The following METTL15 variants were observed in gnomAD, a reference collection of about 807,000 sequenced individuals.
METTL15 encodes the protein 12S rRNA N(4)-cytidine methyltransferase METTL15.
In METTL15, 34 loss-of-function variants were observed where a neutral mutation model predicts 38.3. That is an observed-to-expected ratio of 0.89 (90% confidence interval 0.68 to 1.18). METTL15 has a LOEUF of 1.18. Ranked by LOEUF, METTL15 falls within the 50% of genes most tolerant of loss-of-function variation. METTL15 has a pLI of 0.00. For missense variants in METTL15, 438 were observed against 498.4 expected (o/e 0.88, Z 1.15); for synonymous variants, 162 against 170.9 (o/e 0.95, Z 0.41).
intron 4 of METTL15, among the ~76,000 whole-genome samples, chr11:28,212,358 ATCTG>A (rs1195284524): frequency 6.6e-6 from 1 of 152,166 alleles, no homozygotes; most frequent in East Asian, 1.9e-4. Context: ...TTTTAAATCT[ATCTG>A]TCTTCTGCAG....
intron 3 of METTL15, chr11:28,125,612 C>T (rs1317679511): frequency 6.6e-6 from 1 of 152,028 alleles, no homozygotes; most frequent in Non-Finnish European, 1.5e-5. Context: ...ACAGGTCTCT[C>T]ACACCTTTCA....
intron 5 of METTL15, among the ~76,000 whole-genome samples, chr11:28,412,685 AAG>A (rs907841170): frequency 3.8e-4 from 58 of 152,178 alleles, no homozygotes; most frequent in African/African-American, 1.3e-3. Flanking sequence ...ATATATTAAA[AAG>A]AGAGCTTAGA....
intron 4 of METTL15, among the ~76,000 whole-genome samples, chr11:28,278,173 G>A (rs529119156): frequency 7.9e-5 from 12 of 152,186 alleles, no homozygotes; most frequent in African/African-American, 2.9e-4. Context: ...CATTGTATAG[G>A]CCTTATATGA....
At chr11:28,359,296 A>T (rs1476913402) in intron 4 of METTL15, among the ~76,000 whole-genome samples, 2 of 152,118 alleles carry the variant, frequency 1.3e-5, no homozygotes, top group African/African-American at 4.8e-5. Flanking sequence ...GTATTTCATG[A>T]TGTGTATGTA....
intron 6 of METTL15, among the ~76,000 whole-genome samples, chr11:28,319,257 G>A (rs1261960949): frequency 6.6e-6 from 1 of 152,124 alleles, no homozygotes; most frequent in Admixed American, 6.6e-5. Context: ...CGTGGAATTA[G>A]AGCTTCTGGA....
Position 28,203,238 on chromosome 11 carries a change from A to G in METTL15, c.271-7824A>G, listed in dbSNP as rs191182120. On this transcript the variant is annotated intron_variant, in intron 3 of 6. Transcript: ENST00000407364. ...TTTTAAAAATCATTTTTAAATTTCAAAATCAAATTGGAATCTATAACCTGT... is the reference window on the plus strand; with the variant it reads ...TTTTAAAAATCATTTTTAAATTTCAGAATCAAATTGGAATCTATAACCTGT... 7.0e-4 allele frequency among the ~76,000 whole-genome samples: 107 copies of G among 152,230 alleles called. 1 individual carries two copies. Among genetic ancestry groups the G allele is most frequent in the Non-Finnish European group, 1.3e-3 (90 of 67,976 alleles).
chr11:28,171,817 G>T (rs1850869510), intron 3 of METTL15, among the ~76,000 whole-genome samples: 1 of 150,632 alleles, frequency 6.6e-6, no homozygotes, highest in Admixed American at 6.6e-5. Context: ...TTAGGGACAG[G>T]GTATTCCTCT....
chr11:28,528,000 A>G (rs1400022913), downstream of METTL15, among the ~76,000 whole-genome samples: 3 of 152,214 alleles, frequency 2.0e-5, no homozygotes, highest in African/African-American at 7.2e-5. Flanking sequence ...TGTGGCATGC[A>G]TGGGAAGAAT....
chr11:28,117,557 T>C (rs1852029889), intron 3 of METTL15, among the ~76,000 whole-genome samples: 1 of 152,164 alleles, frequency 6.6e-6, no homozygotes, highest in African/African-American at 2.4e-5. Flanking sequence ...CAACTTGACC[T>C]ACACTGCTGT....
At chr11:28,457,331 T>C (rs1199564428) in intron 6 of METTL15, among the ~76,000 whole-genome samples, 1 of 152,212 alleles carries the variant, frequency 6.6e-6, no homozygotes, top group East Asian at 1.9e-4. Flanking sequence ...CAGCATTATA[T>C]GTTGTTTTTG....
At chr11:28,371,477 T>C (rs1590348581) in intron 5 of METTL15, among the ~76,000 whole-genome samples, 1 of 152,226 alleles carries the variant, frequency 6.6e-6, no homozygotes, top group East Asian at 1.9e-4. Flanking sequence ...TCCAGCTTTG[T>C]TATTTTTGAT....
chr11:28,173,827 G>GTCTCAA (rs1850948002), intron 3 of METTL15, among the ~76,000 whole-genome samples: 1 of 152,128 alleles, frequency 6.6e-6, no homozygotes, highest in Non-Finnish European at 1.5e-5. Context: ...ATACAATCAG[G>GTCTCAA]TATTTTGTAG....
chr11:28,248,819 A>T (rs1854619875), intron 4 of METTL15, among the ~76,000 whole-genome samples: 1 of 152,028 alleles, frequency 6.6e-6, no homozygotes, highest in African/African-American at 2.4e-5. Context: ...TTATTAGAAA[A>T]AAAAAGCATC....
intron 4 of METTL15, among the ~76,000 whole-genome samples, chr11:28,234,169 G>A (rs1244642178): frequency 3.3e-5 from 5 of 152,140 alleles, no homozygotes; most frequent in African/African-American, 1.2e-4. Context: ...ATTCCATGGT[G>A]TATATGTGCC....
At chr11:28,483,029 G>C (rs1851409305) in intron 6 of METTL15, among the ~76,000 whole-genome samples, 1 of 150,172 alleles carries the variant, frequency 6.7e-6, no homozygotes, top group South Asian at 2.1e-4. Flanking sequence ...CCATACTTCA[G>C]TGAACATGAA....
At chr11:28,149,166 C>T (rs988278428) in intron 3 of METTL15, among the ~76,000 whole-genome samples, 1 of 150,460 alleles carries the variant, frequency 6.6e-6, no homozygotes, top group Non-Finnish European at 1.5e-5. Flanking sequence ...ATCACATCTT[C>T]TGGACTTCAA....
chr11:28,194,907 A>G (rs966005122), intron 3 of METTL15, among the ~76,000 whole-genome samples: 30 of 151,560 alleles, frequency 2.0e-4, no homozygotes, highest in Admixed American at 6.6e-5. Flanking sequence ...GTCTGCCTTT[A>G]TGCACCCATA....
At chr11:28,148,180 T>G (rs1849954780) in intron 3 of METTL15, among the ~76,000 whole-genome samples, 1 of 151,956 alleles carries the variant, frequency 6.6e-6, no homozygotes, top group Non-Finnish European at 1.5e-5. Flanking sequence ...TATTTGAAAT[T>G]TATTAACTGG....
chr11:28,371,736 A>G (rs1850245372), intron 5 of METTL15, among the ~76,000 whole-genome samples: 1 of 151,866 alleles, frequency 6.6e-6, no homozygotes, highest in Non-Finnish European at 1.5e-5. Context: ...CTTCTAGGTA[A>G]TTTATATTAT....
Sources: allele counts gnomAD v4.1 joint callset (sites outside exome capture counted in the v4.1 genomes callset), GRCh38; gene constraint gnomAD v4.1.1; transcripts MANE v1.5; gene names NCBI Gene and HGNC (gene_info 2026-07-23, HGNC 2026-07-21).